Variants in PTPRB observed in about 807,000 individuals in gnomAD.
PTPRB encodes receptor-type tyrosine-protein phosphatase beta.
A neutral mutation model predicts 238.1 loss-of-function variants in PTPRB; 97 were observed. The observed-to-expected ratio is 0.41, with a 90% CI of 0.35 to 0.48. The LOEUF (loss-of-function observed/expected upper bound fraction) is 0.48, where lower values mean the gene tolerates loss of function less well. Among genes scored for constraint, PTPRB ranks in the 20% least tolerant of loss-of-function variants. PTPRB has a pLI of 0.30. For missense variants in PTPRB, 2,292 were observed against 2,681.9 expected (o/e 0.85, Z 3.21); for synonymous variants, 970 against 995.4 (o/e 0.97, Z 0.48).
intron 31 of PTPRB, 70 bp from the exon 32 acceptor site, chr12:70,532,240 T>G: frequency 6.9e-7 from 1 of 1,447,148 alleles, no homozygotes; most frequent in South Asian, 1.5e-5. Flanking sequence ...ATCTAGAGAC[T>G]CTGGCACAAT....
intron 4 of PTPRB, among the ~76,000 whole-genome samples, chr12:70,602,026 ATGT>A (rs1883552701): frequency 6.6e-6 from 1 of 151,558 alleles, no homozygotes; most frequent in Non-Finnish European, 1.5e-5. Flanking sequence ...TGATCTCCTG[ATGT>A]TGTGATCTGC....
intron 27 of PTPRB, chr12:70,538,539 CCTTCTATTG>C (rs370335821): frequency 4.6e-6 from 2 of 436,974 alleles, no homozygotes; most frequent in African/African-American, 3.9e-5. Flanking sequence ...AGAAAACCTA[CCTTCTATTG>C]CTTTACCTAA....
chr12:70,626,333 ATC>A, intron 2 of PTPRB, among the ~76,000 whole-genome samples: 1 of 143,994 alleles, frequency 6.9e-6, no homozygotes, highest in Non-Finnish European at 1.5e-5. Context: ...CTATCTATCT[ATC>A]TATCTATCTA....
At chr12:70,567,531 A>G (rs1267912078) in intron 14 of PTPRB, among the ~76,000 whole-genome samples, 1 of 152,150 alleles carries the variant, frequency 6.6e-6, no homozygotes, top group Non-Finnish European at 1.5e-5. Context: ...TTATTTCTGT[A>G]TCCTAAATCT....
chr12:70,547,727 G>C (rs1486620976), intron 21 of PTPRB, among the ~76,000 whole-genome samples: 2 of 151,752 alleles, frequency 1.3e-5, no homozygotes, highest in Non-Finnish European at 2.9e-5. Context: ...GGCTAGTCTT[G>C]AACTCCTGGG....
chr12:70,576,282 G>T, intron 11 of PTPRB, 100 bp downstream of exon 11: 2 of 1,292,848 alleles, frequency 1.5e-6, no homozygotes, highest in Non-Finnish European at 2.1e-6. Flanking sequence ...GATCTCAAGG[G>T]CCTTTCATCC....
intron 4 of PTPRB, among the ~76,000 whole-genome samples, chr12:70,605,512 T>A (rs995500692): frequency 7.2e-5 from 11 of 152,164 alleles, no homozygotes; most frequent in Admixed American, 2.0e-4. Flanking sequence ...GCCAGACAAA[T>A]AAATGCTCCC....
chr12:70,553,480 G>A (rs924416988), intron 20 of PTPRB, among the ~76,000 whole-genome samples: 8 of 152,174 alleles, frequency 5.3e-5, no homozygotes, highest in Non-Finnish European at 1.0e-4. Context: ...CACAAGGCGT[G>A]CTCCACATGT....
intron 4 of PTPRB, among the ~76,000 whole-genome samples, chr12:70,608,420 T>A (rs952747525): frequency 1.3e-5 from 2 of 152,062 alleles, no homozygotes; most frequent in Non-Finnish European, 2.9e-5. Context: ...ATAAGAAAAC[T>A]GAGGCAAGAA....
At chr12:70,543,904 C>T (rs2136270403) in intron 22 of PTPRB, among the ~76,000 whole-genome samples, 1 of 152,280 alleles carries the variant, frequency 6.6e-6, no homozygotes, top group South Asian at 2.1e-4. Context: ...GCTCAAAAGA[C>T]TGTCATGAGA....
rs34459663 is a variant in PTPRB at position 70,536,517 on chromosome 12, G to GT, written c.5947-359dup. On this transcript the variant is annotated intron_variant, in intron 28 of 33. Coordinates refer to ENST00000334414, the MANE Select transcript of PTPRB (RefSeq NM_001109754.4). Reference sequence around the variant, plus strand: ...CTTTCCCTATTTAATGTAGAAGAGTGTTAGTCATTTTGGATAATCAATGTC... The same window carrying GT: ...CTTTCCCTATTTAATGTAGAAGAGTGTTTAGTCATTTTGGATAATCAATGTC... 7.1e-3 allele frequency among the ~76,000 whole-genome samples: 1,086 copies of GT among 152,322 alleles called. 14 individuals are homozygous for GT. Among genetic ancestry groups the GT allele is most frequent in the African/African-American group, 0.025 (1,023 of 41,574 alleles).
chr12:70,607,366 T>C (rs1259615043), intron 4 of PTPRB, among the ~76,000 whole-genome samples: 1 of 152,222 alleles, frequency 6.6e-6, no homozygotes, highest in African/African-American at 2.4e-5. Context: ...GTAAGTTCTA[T>C]GTTATGTATT....
At chr12:70,554,765 T>G (rs1206481342) in intron 20 of PTPRB, among the ~76,000 whole-genome samples, 1 of 152,166 alleles carries the variant, frequency 6.6e-6, no homozygotes, top group African/African-American at 2.4e-5. Context: ...TTGAGGCATA[T>G]TAATGTTTAA....
chr12:70,540,186 A>G (rs1874839901), intron 23 of PTPRB, 164 bp from the exon 24 acceptor site: 1 of 594,084 alleles, frequency 1.7e-6, no homozygotes, highest in Non-Finnish European at 2.9e-6. Context: ...AGGAAAGAGA[A>G]TAAAGTAGAT....
chr12:70,587,533 G>C, intron 8 of PTPRB, among the ~76,000 whole-genome samples: 1 of 152,122 alleles, frequency 6.6e-6, no homozygotes, highest in South Asian at 2.1e-4. Flanking sequence ...CTTTTTGTAT[G>C]AATTCTGTAA....
intron 18 of PTPRB, among the ~76,000 whole-genome samples, chr12:70,557,964 T>C (rs1235898447): frequency 3.3e-5 from 5 of 152,218 alleles, no homozygotes; most frequent in Admixed American, 2.6e-4. Flanking sequence ...TGCGCCCTTC[T>C]GTTTTCTGTT....
intron 4 of PTPRB, among the ~76,000 whole-genome samples, chr12:70,600,714 G>C (rs1458269705): frequency 6.6e-6 from 1 of 150,734 alleles, no homozygotes; most frequent in Non-Finnish European, 1.5e-5. Context: ...ATTTTCTTTT[G>C]AGACAGGGCC....
chr12:70,579,068 C>T (rs1881091811), intron 10 of PTPRB, among the ~76,000 whole-genome samples: 1 of 152,156 alleles, frequency 6.6e-6, no homozygotes, highest in South Asian at 2.1e-4. Flanking sequence ...ATCATGAACA[C>T]CCACATTATA....
At chr12:70,537,611 A>AAAT (rs1343382992) in intron 28 of PTPRB, among the ~76,000 whole-genome samples, 1 of 152,234 alleles carries the variant, frequency 6.6e-6, no homozygotes. Context: ...TTGGAAAAGA[A>AAAT]AATGGAGGCC....
Sources: allele counts gnomAD v4.1 joint callset (sites outside exome capture counted in the v4.1 genomes callset), GRCh38; gene constraint gnomAD v4.1.1; transcripts MANE v1.5; gene names NCBI Gene and HGNC (gene_info 2026-07-23, HGNC 2026-07-21).